Variants in BCAR3 observed in about 807,000 individuals in gnomAD.
BCAR3 encodes breast cancer anti-estrogen resistance protein 3.
In BCAR3, 37 loss-of-function variants were observed where a neutral mutation model predicts 80.1. That is an observed-to-expected ratio of 0.46 (90% CI 0.36 to 0.61). The LOEUF (loss-of-function observed/expected upper bound fraction) is 0.61, where lower values mean the gene tolerates loss of function less well. Among genes scored for constraint, BCAR3 ranks in the 20% least tolerant of loss-of-function variants. BCAR3 has a pLI of 0.00. For missense variants in BCAR3, 978 were observed against 1,068.2 expected (o/e 0.92, Z 1.18); for synonymous variants, 389 against 418.9 (o/e 0.93, Z 0.87).
intron 2 of BCAR3, among the ~76,000 whole-genome samples, chr1:93,730,624 T>C (rs1373203524): frequency 2.0e-5 from 3 of 152,212 alleles, no homozygotes; most frequent in African/African-American, 7.2e-5. Flanking sequence ...GGTATGGCCC[T>C]GTTAGATGCT....
chr1:93,743,086 TA>T lies in BCAR3; in HGVS notation c.-62-36945del, dbSNP rs1049239752. ...CAGTCAAATTCTTTATATAGGTTAA[TA>T]AAAAATATTTGATCAGTTTTTGTTA... is the stretch of plus-strand genomic sequence containing the variant. On this transcript the variant is annotated intron_variant, in intron 2 of 13. Transcript: ENST00000370244. 1.4e-4 allele frequency among the ~76,000 whole-genome samples: 22 copies of T among 152,338 alleles called. 2 individuals are homozygous for T. Among genetic ancestry groups the T allele is most frequent in the African/African-American group, 3.6e-4 (15 of 41,602 alleles).
intron 3 of BCAR3, among the ~76,000 whole-genome samples, chr1:93,640,417 A>G (rs1461502845): frequency 6.6e-6 from 1 of 152,204 alleles, no homozygotes; most frequent in Non-Finnish European, 1.5e-5. Flanking sequence ...GAAGTGAGAA[A>G]GAAAAAAAAA....
Position 93,584,023 on chromosome 1 carries a change from G to A in BCAR3, c.1028C>T (p.Pro343Leu), listed in dbSNP as rs773458842. Residue 343 changes from proline to leucine, a missense_variant, in exon 6 of 12, where the codon CCG becomes CTG. Transcript: ENST00000260502. ...GAAAATTCCCCGAAACATACCAATC[G>A]GCAGGTAGCTCTCTGACTGGTGGGC... ...LKAHQSESYL[P>L]IGCKLPPQSS... 2.5e-6 allele frequency: 4 copies of A among 1,613,674 alleles called. No homozygotes were observed. The highest frequency in any genetic ancestry group is 1.3e-5 in the African/African-American group (1 of 74,866).
At chr1:93,644,772 T>C (rs72721067) in intron 2 of BCAR3, among the ~76,000 whole-genome samples, 2,391 of 152,296 alleles carry the variant, frequency 0.016, 38 homozygotes, top group Non-Finnish European at 0.02. Context: ...CCAGGGCCCA[T>C]TGAAGCCTCA....
chr1:93,745,480 G>A (rs1012534210), intron 2 of BCAR3, among the ~76,000 whole-genome samples: 1 of 152,102 alleles, frequency 6.6e-6, no homozygotes, highest in African/African-American at 2.4e-5. Flanking sequence ...CAAATTAAAG[G>A]TGGGAGATCA....
In BCAR3 at chr1:93,749,594, A is replaced by AG. The variant is rs56674332; in HGVS notation, c.-62-43453_-62-43452insC. On this transcript the variant is annotated intron_variant, in intron 2 of 13. Transcript: ENST00000370244. ...ACAGAGCGAGACTCCGTCAAAAAAA[A>AG]AAAAAAAAAAGAAAAGAAAATCCAA... Among the ~76,000 whole-genome samples the AG allele has an allele frequency of 1.5e-4, 18 of 119,852 alleles. No individual in the cohort carries two copies. In the Middle Eastern group the frequency reaches 0.013, roughly 85 times the overall value. 78.6% of individuals were successfully genotyped at this position (119,852 alleles called of 152,430 possible).
intron 2 of BCAR3, among the ~76,000 whole-genome samples, chr1:93,842,736 G>A (rs1365424870): frequency 2.0e-5 from 3 of 151,998 alleles, no homozygotes; most frequent in African/African-American, 2.4e-5. Flanking sequence ...CCCTTTTGCC[G>A]TATCTGGCCT....
chr1:93,566,882 C>T (rs1672974023), intron 11 of BCAR3, among the ~76,000 whole-genome samples: 1 of 152,148 alleles, frequency 6.6e-6, no homozygotes, highest in African/African-American at 2.4e-5. Flanking sequence ...CACACACCAT[C>T]ACGCCCAGCT....
At chr1:93,572,199 C>A (rs973590677) in intron 8 of BCAR3, among the ~76,000 whole-genome samples, 25 of 152,164 alleles carry the variant, frequency 1.6e-4, no homozygotes, top group Admixed American at 1.5e-3. Flanking sequence ...ATGGAGACAG[C>A]AGGTCCCCCA....
chr1:93,718,870 AT>A (rs879576578), intron 2 of BCAR3, among the ~76,000 whole-genome samples: 554 of 129,778 alleles, frequency 4.3e-3, no homozygotes, highest in Non-Finnish European at 4.0e-3. Context: ...TAATTTTTGT[AT>A]TTTTTTTTTT....
At chr1:93,732,934 A>G (rs1490260637) in intron 2 of BCAR3, among the ~76,000 whole-genome samples, 1 of 152,200 alleles carries the variant, frequency 6.6e-6, no homozygotes, top group Non-Finnish European at 1.5e-5. Context: ...AGACCAGCTA[A>G]ACACAAACAA....
At chr1:93,784,649 GC>G (rs1170682437) in intron 2 of BCAR3, among the ~76,000 whole-genome samples, 1 of 152,334 alleles carries the variant, frequency 6.6e-6, no homozygotes, top group South Asian at 2.1e-4. Flanking sequence ...GCAGCCAAAT[GC>G]TCTCCCTAGG....
chr1:93,737,743 T>C (rs531454877), intron 2 of BCAR3, among the ~76,000 whole-genome samples: 1 of 152,260 alleles, frequency 6.6e-6, no homozygotes, highest in East Asian at 1.9e-4. Flanking sequence ...AGGGATCAGA[T>C]TGGAGAAAGA....
chr1:93,645,454 C>T (rs1676123412), intron 2 of BCAR3, among the ~76,000 whole-genome samples: 1 of 152,048 alleles, frequency 6.6e-6, no homozygotes, highest in African/African-American at 2.4e-5. Context: ...CTAGGGTCGA[C>T]CTGCAAACTA....
chr1:93,596,780 A>G (rs1360409345), intron 3 of BCAR3, among the ~76,000 whole-genome samples: 1 of 152,076 alleles, frequency 6.6e-6, no homozygotes, highest in Non-Finnish European at 1.5e-5. Flanking sequence ...TTGTTTTTCT[A>G]GTGTTTTGTC....
At chr1:93,660,161 G>A (rs553574285) in intron 2 of BCAR3, among the ~76,000 whole-genome samples, 77 of 152,226 alleles carry the variant, frequency 5.1e-4, no homozygotes, top group African/African-American at 1.7e-3. Context: ...AACATTGGAA[G>A]GAGAGAGGGA....
At chr1:93,847,659 A>G (rs1212661206), upstream of BCAR3, 1 of 152,418 alleles carries the variant, frequency 6.6e-6, no homozygotes, top group Non-Finnish European at 1.5e-5. Flanking sequence ...GCGGAGTCGT[A>G]ACGCTTTTTT....
intron 2 of BCAR3, among the ~76,000 whole-genome samples, chr1:93,814,524 C>A (rs189923546): frequency 6.6e-6 from 1 of 152,228 alleles, no homozygotes. Flanking sequence ...TCAGGACTCA[C>A]GTCCACTACC....
intron 2 of BCAR3, among the ~76,000 whole-genome samples, chr1:93,777,328 C>G (rs1013602197): frequency 1.3e-5 from 2 of 151,710 alleles, no homozygotes; most frequent in African/African-American, 4.9e-5. Context: ...TAAGAGCTTG[C>G]AAATAATATT....
Sources: allele counts gnomAD v4.1 joint callset (sites outside exome capture counted in the v4.1 genomes callset), GRCh38; gene constraint gnomAD v4.1.1; transcripts MANE v1.5; gene names NCBI Gene and HGNC (gene_info 2026-07-23, HGNC 2026-07-21).